FBXL13: variants seen among roughly 807,000 people sequenced by gnomAD.
The protein encoded by FBXL13 is F-box and leucine-rich repeat protein 13.
Under a neutral mutation model 83.6 loss-of-function variants are expected in FBXL13, and 67 were observed. That is an observed-to-expected ratio of 0.80 (90% CI 0.66 to 0.98). The LOEUF is 0.98. Among genes scored for constraint, FBXL13 ranks in the 50% least tolerant of loss-of-function variants. The probability of loss-of-function intolerance (pLI) is 0.00; values close to 1 mark genes in which losing one functional copy is unlikely to be tolerated. For missense variants in FBXL13, 822 were observed against 866.5 expected, an observed-to-expected ratio of 0.95 and a Z score of 0.64; for synonymous variants, 272 against 299.5, an observed-to-expected ratio of 0.91 and a Z score of 0.95.
chr7:102,853,212 T>C (rs1174455872), intron 17 of FBXL13, among the ~76,000 whole-genome samples: 2 of 151,968 alleles, frequency 1.3e-5, no homozygotes, highest in African/African-American at 2.4e-5. Context: ...AGACTACAAA[T>C]TGAGTACAGT....
chr7:102,823,028 C>T (rs1799028733), intron 18 of FBXL13, among the ~76,000 whole-genome samples: 1 of 152,190 alleles, frequency 6.6e-6, no homozygotes, highest in Admixed American at 6.5e-5. Flanking sequence ...CGCCACTGCA[C>T]TGGGTGACGT....
rs73408260 is a variant in FBXL13, at chr7:102,951,886, T to C, written c.724+11647A>G. Among the ~76,000 whole-genome samples, 581 of 152,146 alleles carry C rather than the reference T, an allele frequency of 3.8e-3. 4 individuals carry two copies. The highest frequency in any genetic ancestry group is 0.013 in the African/African-American group (559 of 41,496). On this transcript the variant is annotated intron_variant, in intron 8 of 19. Coordinates refer to ENST00000313221, the Ensembl canonical transcript of FBXL13. ...TAGAGAATTAATAAAAATAAGGGTT[T>C]TTTTGAATATCCATATTTATAGTAG...
intron 16 of FBXL13, among the ~76,000 whole-genome samples, chr7:102,875,859 C>T (rs1424135984): frequency 6.6e-6 from 1 of 152,080 alleles, no homozygotes; most frequent in Non-Finnish European, 1.5e-5. Flanking sequence ...CACAGCAGGC[C>T]TGTGGTTCAG....
chr7:102,905,505 A>G (rs80142421), intron 11 of FBXL13, among the ~76,000 whole-genome samples: 11 of 152,210 alleles, frequency 7.2e-5, no homozygotes, highest in African/African-American at 2.4e-4. Context: ...GTGTGTCTTT[A>G]TAGATGAAGT....
intron 1 of FBXL13, among the ~76,000 whole-genome samples, chr7:103,069,568 A>G (rs969995618): frequency 6.6e-6 from 1 of 152,220 alleles, no homozygotes; most frequent in Non-Finnish European, 1.5e-5. Flanking sequence ...TCAAAAGCCC[A>G]GAAGAGCTAT....
chr7:103,066,785 G>A (rs1024011034), intron 1 of FBXL13, among the ~76,000 whole-genome samples: 9 of 150,350 alleles, frequency 6.0e-5, no homozygotes, highest in Admixed American at 3.3e-4. Flanking sequence ...GAAGAATTTT[G>A]TGAGGATTTT....
exon 4 of FBXL13, chr7:103,028,683 A>T (rs780973404): frequency 1.9e-6 from 3 of 1,603,272 alleles, no homozygotes; most frequent in South Asian, 1.1e-5. Flanking sequence ...GTAGCATGTC[A>T]CTGCTCTGTT....
At chr7:102,984,649 A>G (rs1340283746) in intron 6 of FBXL13, among the ~76,000 whole-genome samples, 2 of 152,220 alleles carry the variant, frequency 1.3e-5, no homozygotes, top group Non-Finnish European at 2.9e-5. Flanking sequence ...CGTACTTTCA[A>G]TAAGAAGGGA....
chr7:102,994,318 TG>T (rs1829874765), intron 6 of FBXL13, among the ~76,000 whole-genome samples: 1 of 152,106 alleles, frequency 6.6e-6, no homozygotes, highest in Non-Finnish European at 1.5e-5. Context: ...AAGTTACCCT[TG>T]TTTTTTTAAG....
intron 17 of FBXL13, among the ~76,000 whole-genome samples, chr7:102,843,002 T>G (rs1012108880): frequency 1.3e-5 from 2 of 152,236 alleles, no homozygotes; most frequent in African/African-American, 4.8e-5. Context: ...CAGTCCCTTA[T>G]GCCGAATCCC....
At chr7:102,926,396 G>C (rs1395055711) in intron 9 of FBXL13, 22 bp from the exon 11 acceptor site, 1 of 1,582,370 alleles carries the variant, frequency 6.3e-7, no homozygotes, top group South Asian at 1.1e-5. Context: ...ACAGAGGGAA[G>C]AGGCTTATCA....
chr7:103,018,984 C>CTA (rs1025914339), intron 6 of FBXL13, among the ~76,000 whole-genome samples: 2 of 152,194 alleles, frequency 1.3e-5, no homozygotes, highest in African/African-American at 4.8e-5. Flanking sequence ...TAATACACAT[C>CTA]TACAGAACTC....
chr7:102,947,103 A>C (rs1822658550), intron 8 of FBXL13, among the ~76,000 whole-genome samples: 1 of 152,188 alleles, frequency 6.6e-6, no homozygotes, highest in Admixed American at 6.5e-5. Context: ...ACTACATTTC[A>C]AATGTTACCA....
chr7:102,919,665 A>G (rs1188747049), intron 10 of FBXL13, among the ~76,000 whole-genome samples: 5 of 152,322 alleles, frequency 3.3e-5, no homozygotes, highest in Non-Finnish European at 7.3e-5. Flanking sequence ...AAGTTTATGG[A>G]CCAATATCTA....
At chr7:103,029,097 T>A (rs1794239823) in intron 3 of FBXL13, among the ~76,000 whole-genome samples, 1 of 151,098 alleles carries the variant, frequency 6.6e-6, no homozygotes, top group African/African-American at 2.4e-5. Context: ...ATAAGTGGAC[T>A]GTGAAACTAA....
intron 1 of FBXL13, among the ~76,000 whole-genome samples, chr7:103,072,910 G>C (rs1799115663): frequency 1.3e-5 from 2 of 152,172 alleles, no homozygotes; most frequent in South Asian, 4.1e-4. Flanking sequence ...ATATATGCCT[G>C]GCAAATTCCT....
intron 6 of FBXL13, among the ~76,000 whole-genome samples, chr7:103,009,430 AG>A (rs971366510): frequency 6.6e-6 from 1 of 152,220 alleles, no homozygotes; most frequent in Non-Finnish European, 1.5e-5. Flanking sequence ...TACATGAGAA[AG>A]GGGGAGTGGG....
chr7:102,912,671 A>ATCC (rs1814922725), intron 11 of FBXL13, among the ~76,000 whole-genome samples: 2 of 73,536 alleles, frequency 2.7e-5, no homozygotes, highest in African/African-American at 4.4e-5. Flanking sequence ...ATAGCATTTT[A>ATCC]CCCCCCCCCC....
At chr7:103,044,434 A>G (rs907795648) in intron 2 of FBXL13, among the ~76,000 whole-genome samples, 1 of 152,254 alleles carries the variant, frequency 6.6e-6, no homozygotes, top group Non-Finnish European at 1.5e-5. Flanking sequence ...GATGACATTC[A>G]GGAATTATTG....
Sources: allele counts gnomAD v4.1 joint callset (sites outside exome capture counted in the v4.1 genomes callset), GRCh38; gene constraint gnomAD v4.1.1; transcripts MANE v1.5; gene names NCBI Gene and HGNC (gene_info 2026-07-23, HGNC 2026-07-21).